The following SLCO3A1 variants were observed in gnomAD, a reference collection of about 807,000 sequenced individuals.
SLCO3A1 encodes the protein solute carrier organic anion transporter family member 3A1, also known as PGE1 transporter.
Under a neutral mutation model 63.1 loss-of-function variants are expected in SLCO3A1, and 27 were observed. The ratio of observed to expected loss-of-function variants is 0.43; its 90% confidence interval spans 0.32 to 0.59. The LOEUF (loss-of-function observed/expected upper bound fraction) is 0.59, where lower values mean the gene tolerates loss of function less well. SLCO3A1 is among the 20% of genes least tolerant of loss of function. The pLI is 0.09. For synonymous variants in SLCO3A1, 473 were observed against 409.9 expected, an observed-to-expected ratio of 1.15 and a Z score of -1.86; for missense variants, 773 against 945.8, an observed-to-expected ratio of 0.82 and a Z score of 2.40.
chr15:91,975,065 G>A (rs72755617), intron 2 of SLCO3A1, among the ~76,000 whole-genome samples: 9,085 of 152,248 alleles, frequency 0.06, 399 homozygotes, highest in Non-Finnish European at 0.091. Flanking sequence ...TGTTTTATGA[G>A]ATTAAATGAT....
At chr15:92,146,952 C>T (rs1396693268) in intron 7 of SLCO3A1, 32 bp from the exon 8 acceptor site, 1 of 1,564,438 alleles carries the variant, frequency 6.4e-7, no homozygotes, top group East Asian at 2.3e-5. Context: ...GGAAGTACCC[C>T]CAGATAAAAG....
intron 1 of SLCO3A1, among the ~76,000 whole-genome samples, chr15:91,874,209 G>A (rs990834465): frequency 1.3e-5 from 2 of 152,110 alleles, no homozygotes; most frequent in Admixed American, 6.5e-5. Flanking sequence ...ATGTGAATGT[G>A]GTCTCTCTCA....
At chr15:92,063,203 A>G (rs1387705778) in intron 2 of SLCO3A1, among the ~76,000 whole-genome samples, 1 of 152,176 alleles carries the variant, frequency 6.6e-6, no homozygotes, top group African/African-American at 2.4e-5. Context: ...GTTAACTGAG[A>G]GTGTGGACCT....
intron 2 of SLCO3A1, among the ~76,000 whole-genome samples, chr15:92,094,596 C>T (rs1437570647): frequency 2.6e-5 from 4 of 152,096 alleles, no homozygotes; most frequent in East Asian, 1.9e-4. Flanking sequence ...ATGATAGATG[C>T]GGATGTATTT....
intron 9 of SLCO3A1, among the ~76,000 whole-genome samples, chr15:92,158,996 A>G (rs1430209345): frequency 1.3e-5 from 2 of 152,200 alleles, no homozygotes; most frequent in African/African-American, 4.8e-5. Flanking sequence ...TCCCCTATCT[A>G]ACATGAATAA....
intron 2 of SLCO3A1, among the ~76,000 whole-genome samples, chr15:92,045,669 C>A (rs1197038725): frequency 1.3e-5 from 2 of 152,028 alleles, no homozygotes. Context: ...AACAAATGTC[C>A]CTATTTCCTA....
chr15:92,048,457 C>A (rs2046917189), intron 2 of SLCO3A1, among the ~76,000 whole-genome samples: 1 of 152,150 alleles, frequency 6.6e-6, no homozygotes, highest in African/African-American at 2.4e-5. Flanking sequence ...GTGTCTCATC[C>A]TCAGCAGCAC....
intron 2 of SLCO3A1, among the ~76,000 whole-genome samples, chr15:92,014,758 T>C (rs2046407076): frequency 6.6e-6 from 1 of 152,170 alleles, no homozygotes; most frequent in Non-Finnish European, 1.5e-5. Flanking sequence ...GAGGATATTG[T>C]CCTTCTCTGT....
intron 7 of SLCO3A1, among the ~76,000 whole-genome samples, chr15:92,139,563 CCTT>C (rs1411024507): frequency 6.6e-5 from 10 of 152,006 alleles, no homozygotes; most frequent in African/African-American, 2.4e-4. Context: ...ACCAGTTCCT[CCTT>C]GTACCTCTGG....
intron 1 of SLCO3A1, among the ~76,000 whole-genome samples, chr15:91,868,679 T>C (rs1897225941): frequency 6.6e-6 from 1 of 152,198 alleles, no homozygotes; most frequent in South Asian, 2.1e-4. Flanking sequence ...ATTCTCAATT[T>C]CCTCATCTCT....
At chr15:91,930,560 C>G (rs1899190172) in intron 2 of SLCO3A1, among the ~76,000 whole-genome samples, 1 of 152,168 alleles carries the variant, frequency 6.6e-6, no homozygotes, top group African/African-American at 2.4e-5. Flanking sequence ...TAACCTGACT[C>G]CATTTTAACA....
chr15:92,114,856 C>G (rs1024384217), intron 4 of SLCO3A1, among the ~76,000 whole-genome samples: 1 of 152,128 alleles, frequency 6.6e-6, no homozygotes, highest in African/African-American at 2.4e-5. Flanking sequence ...TCCACCCTCC[C>G]TCACCTCCCA....
chr15:91,995,733 G>GAAA (rs34688452), intron 2 of SLCO3A1, among the ~76,000 whole-genome samples: 2,694 of 79,616 alleles, frequency 0.034, 162 homozygotes, highest in African/African-American at 0.11. Context: ...AGATTTTCTT[G>GAAA]AAAAAAAAAA....
chr15:92,065,886 G>A (rs941821177), intron 2 of SLCO3A1, among the ~76,000 whole-genome samples: 2 of 152,190 alleles, frequency 1.3e-5, no homozygotes, highest in Admixed American at 6.5e-5. Context: ...GCCCCTCACT[G>A]GGAAGTTTAA....
In SLCO3A1 at chr15:91,883,743, A is replaced by G. The variant is rs1365827005; in HGVS notation, c.180+29655A>G. Reference sequence around the variant, plus strand: ...TTCGGTTCCAAGTATTTTTTGAAGTAGAAGTGTGTTTGTAATATCCTACTT... The same window carrying G: ...TTCGGTTCCAAGTATTTTTTGAAGTGGAAGTGTGTTTGTAATATCCTACTT... On this transcript the variant is annotated intron_variant, in intron 1 of 9. Transcript: ENST00000318445. This position sits in a 1 kb window ranked among gnomAD's most constrained non-coding sequence, Gnocchi z 4.8. Among the ~76,000 whole-genome samples, 1 of 152,230 alleles carries G rather than the reference A, an allele frequency of 6.6e-6. No individual in the cohort carries two copies. The highest frequency in any genetic ancestry group is 1.5e-5 in the Non-Finnish European group (1 of 68,044).
chr15:91,965,212 G>A lies in SLCO3A1; in HGVS notation c.646+48754G>A, dbSNP rs190843436. On this transcript the variant is annotated intron_variant, in intron 2 of 9. Coordinates refer to ENST00000318445, the MANE Select transcript of SLCO3A1 (RefSeq NM_013272.4). ...AGAAGACACATGATTAAAGAGAAACGCATATGCAGACCCCTCTCCCACCAC... is the reference window on the plus strand; with the variant it reads ...AGAAGACACATGATTAAAGAGAAACACATATGCAGACCCCTCTCCCACCAC... Among the ~76,000 whole-genome samples the A allele has an allele frequency of 1.6e-4, 24 of 152,236 alleles. No homozygotes were observed. In the East Asian group the frequency reaches 4.4e-3, roughly 28 times the overall value.
chr15:91,961,054 G>T (rs1418053719), intron 2 of SLCO3A1, among the ~76,000 whole-genome samples: 1 of 152,176 alleles, frequency 6.6e-6, no homozygotes, highest in African/African-American at 2.4e-5. Flanking sequence ...TCTCTCCCTT[G>T]AGTGGCCCTT....
At chr15:92,058,930 AGAAG>A (rs2047053693) in intron 2 of SLCO3A1, among the ~76,000 whole-genome samples, 1 of 152,114 alleles carries the variant, frequency 6.6e-6, no homozygotes, top group Non-Finnish European at 1.5e-5. Flanking sequence ...CCTTTCTCTT[AGAAG>A]GACATCAGTC....
At chr15:91,947,432 G>A (rs542032315) in intron 2 of SLCO3A1, among the ~76,000 whole-genome samples, 2 of 152,304 alleles carry the variant, frequency 1.3e-5, no homozygotes, top group South Asian at 4.1e-4. Flanking sequence ...TTCTCACTCA[G>A]GTGGTGCTTT....
Sources: allele counts gnomAD v4.1 joint callset (sites outside exome capture counted in the v4.1 genomes callset), GRCh38; gene constraint gnomAD v4.1.1; non-coding constraint Gnocchi (gnomAD v3.1); transcripts MANE v1.5; gene names NCBI Gene and HGNC (gene_info 2026-07-23, HGNC 2026-07-21).